The following HUWE1 variants were observed in gnomAD, a reference collection of about 807,000 sequenced individuals.
The protein encoded by HUWE1 is E3 ubiquitin-protein ligase HUWE1.
HUWE1 carries 18 observed loss-of-function variants against 299.4 expected under a neutral mutation model. The ratio of observed to expected loss-of-function variants is 0.06; its 90% CI spans 0.04 to 0.09. The LOEUF is 0.09. Ranked by LOEUF, HUWE1 falls within the 10% of genes least tolerant of loss-of-function variation. The pLI, the probability that HUWE1 is intolerant of heterozygous loss-of-function variation, is 1.00. For synonymous variants in HUWE1, 1,317 were observed against 1,286.1 expected, an observed-to-expected ratio of 1.02 and a Z score of -0.51; for missense variants, 1,832 against 3,462.3, an observed-to-expected ratio of 0.53 and a Z score of 11.82.
intron 7 of HUWE1, among the ~76,000 whole-genome samples, chrX:53,639,485 T>G (rs2067433082): frequency 8.9e-6 from 1 of 111,881 alleles, no homozygotes; most frequent in African/African-American, 3.2e-5. Flanking sequence ...AAGAACCCTA[T>G]AGTTATACAG....
intron 63 of HUWE1, among the ~76,000 whole-genome samples, chrX:53,551,840 G>C (rs2061779617): frequency 9.0e-6 from 1 of 111,145 alleles, no homozygotes; most frequent in African/African-American, 3.3e-5. Context: ...TGCCTAATAT[G>C]TACTTGGAGA....
In HUWE1 at chrX:53,636,493, G is replaced by A. The variant is rs183516787; in HGVS notation, c.505-2195C>T. On this transcript the variant is annotated intron_variant, in intron 7 of 83. Coordinates refer to ENST00000262854, the MANE Select transcript of HUWE1 (RefSeq NM_031407.7). ...AGCACTCAGCCAGTGGGAGCCCGAG[G>A]CGGGCAGATCACCTGAGGTCAGGAG... Among the ~76,000 whole-genome samples, 236 of 112,553 alleles carry A rather than the reference G, an allele frequency of 2.1e-3. 1 individual carries two copies. Among genetic ancestry groups the A allele is most frequent in the African/African-American group, 7.4e-3 (230 of 31,042 alleles).
At chrX:53,538,195 A>G (rs1173759377) in intron 77 of HUWE1, 142 bp downstream of exon 77, 6 of 513,548 alleles carry the variant, frequency 1.2e-5, no homozygotes, top group African/African-American at 2.3e-5. Flanking sequence ...TCAATGCTAC[A>G]GCTGTCTCTT....
At position 53,589,777 on chromosome X, in the gene HUWE1, G is replaced by A. The variant is rs1325872946; in HGVS notation, c.4231C>T (p.Arg1411Trp). The A allele has an allele frequency of 5.0e-6, 6 of 1,208,105 alleles. No individual in the cohort carries two copies. Among genetic ancestry groups the A allele is most frequent in the Non-Finnish European group, 6.7e-6 (6 of 894,380 alleles). ...GCCTCTTCCTCCTCCTGCTTTTCCCGAGCTTTCCGTTCCTCTTCCTCCTTC... is the reference window on the plus strand; with the variant it reads ...GCCTCTTCCTCCTCCTGCTTTTCCCAAGCTTTCCGTTCCTCTTCCTCCTTC... ...CRKEEEERKAREKQEEEEAKC... is the reference protein window; with the variant it reads ...CRKEEEERKAWEKQEEEEAKC... Residue 1411 changes from arginine to tryptophan, a missense_variant, in exon 36 of 84, where the codon CGG becomes TGG. By Grantham distance (101) the Arg-to-Trp change is moderately radical (BLOSUM62 -3). Coordinates refer to ENST00000262854, the MANE Select transcript of HUWE1 (RefSeq NM_031407.7).
At chrX:53,683,845 T>G in intron 2 of HUWE1, 2 of 191,725 alleles carry the variant, frequency 1.0e-5, no homozygotes, top group Non-Finnish European at 9.6e-6. Context: ...CCCTAGTCAC[T>G]GCCCCCCCAC....
At chrX:53,619,545 A>G (rs1276645234) in intron 19 of HUWE1, among the ~76,000 whole-genome samples, 1 of 104,592 alleles carries the variant, frequency 9.6e-6, no homozygotes, top group Admixed American at 1.0e-4. Flanking sequence ...AAAAAAGGTA[A>G]TTAGGGTTTC....
At chrX:53,615,891 G>C (rs781875520) in intron 21 of HUWE1, 56 bp from the exon 22 acceptor site, 41 of 878,623 alleles carry the variant, frequency 4.7e-5, no homozygotes, top group Non-Finnish European at 6.0e-5. Context: ...ATAGAGCTTG[G>C]GCTCTTTTCT....
At chrX:53,542,590 TAG>T in intron 73 of HUWE1, 51 bp from the exon 74 acceptor site, 2 of 852,793 alleles carry the variant, frequency 2.3e-6, no homozygotes. Flanking sequence ...CTGCTTTCCT[TAG>T]AGACAGGCTA....
Position 53,533,219 on chromosome X carries a change from T to C in HUWE1, c.*90A>G. The stretch of plus-strand genomic sequence containing the variant: ...TTGGTGGATTTCATTTATTGGTTTT[T>C]GACAATTTCTTTCTGGTTCTTTTTT... On this transcript the variant is annotated 3_prime_UTR_variant, in exon 84 of 84. Coordinates refer to ENST00000262854, the MANE Select transcript of HUWE1 (RefSeq NM_031407.7). 1 of 587,771 alleles carries C rather than the reference T, an allele frequency of 1.7e-6. No individual in the cohort carries two copies. The highest frequency in any genetic ancestry group is 2.9e-6 in the Non-Finnish European group (1 of 348,119). The allele number at this position is 587,771 out of a possible 1,213,427, so 48.4% of individuals were successfully genotyped here. A position where few individuals can be genotyped will look rare whatever the true frequency, so the allele number is the denominator to read the frequency against.
Position 53,560,290 on chromosome X carries a change from C to A in HUWE1, c.7634G>T (p.Arg2545Leu). The A allele has an allele frequency of 8.3e-7, 1 of 1,211,028 alleles. No individual in the cohort carries two copies. Among genetic ancestry groups the A allele is most frequent in the Non-Finnish European group, 1.1e-6 (1 of 895,286 alleles). ...CAGCTGCCTTAGGGTCCTCTGACTG[C>A]GCCCGATGCCCTGGGTGAGACGAGT... Reference protein sequence around the residue: ...STTRLTQGIGRSQRTLRQLTA... With the variant: ...STTRLTQGIGLSQRTLRQLTA... The change falls in exon 56 of 84, where the codon CGC becomes CTC. Residue 2545 changes from arginine to leucine, a missense_variant. Physicochemically the swap from Arg to Leu is moderately radical, Grantham distance 102. This residue lies in a region of HUWE1 where 170 missense variants were observed against 335.8 expected (regional missense o/e 0.51). Transcript: ENST00000262854.
At chrX:53,686,185 CG>C (rs1227169562) in intron 2 of HUWE1, 84 bp downstream of exon 2, 3 of 113,104 alleles carry the variant, frequency 2.7e-5, no homozygotes, top group Non-Finnish European at 5.6e-5. Context: ...CCTCTGAGGC[CG>C]CCTTCCTCGA....
intron 19 of HUWE1, 94 bp from the exon 20 acceptor site, chrX:53,617,540 TG>T: frequency 1.8e-6 from 1 of 556,539 alleles, no homozygotes; most frequent in Non-Finnish European, 3.1e-6. Flanking sequence ...ACATACTCAA[TG>T]TCTAGCAATT....
At chrX:53,549,532 A>T in intron 66 of HUWE1, 27 bp from the exon 67 acceptor site, 1 of 1,146,454 alleles carries the variant, frequency 8.7e-7, no homozygotes, top group East Asian at 3.0e-5. Context: ...GTTTTTGGGT[A>T]ACACTTCAGT....
chrX:53,566,733 T>C (rs781952841), intron 49 of HUWE1, among the ~76,000 whole-genome samples: 3 of 111,642 alleles, frequency 2.7e-5, no homozygotes, highest in East Asian at 5.6e-4. Flanking sequence ...ATCACAAGTA[T>C]TGGGACCAAG....
intron 3 of HUWE1, among the ~76,000 whole-genome samples, chrX:53,678,780 ATAAC>A (rs1303321125): frequency 8.9e-6 from 1 of 112,063 alleles, no homozygotes; most frequent in African/African-American, 3.2e-5. Flanking sequence ...TAGTATAAAA[ATAAC>A]TAAATCACCT....
intron 3 of HUWE1, among the ~76,000 whole-genome samples, chrX:53,657,352 T>C (rs2068795240): frequency 1.8e-5 from 2 of 111,532 alleles, no homozygotes; most frequent in African/African-American, 6.5e-5. Context: ...GGTGGGCAGA[T>C]CATTTGAGGT....
chrX:53,668,523 G>A (rs1042474898), intron 3 of HUWE1, among the ~76,000 whole-genome samples: 14 of 110,382 alleles, frequency 1.3e-4, no homozygotes, highest in African/African-American at 4.3e-4. Context: ...CAGCATAATG[G>A]AAAAGCCTGG....
chrX:53,549,700 G>A (rs1192146565), intron 66 of HUWE1, among the ~76,000 whole-genome samples, 195 bp from the exon 67 acceptor site: 1 of 110,509 alleles, frequency 9.0e-6, no homozygotes, highest in Non-Finnish European at 1.9e-5. Context: ...TACAATGACT[G>A]TACATCATCC....
intron 6 of HUWE1, among the ~76,000 whole-genome samples, chrX:53,646,785 A>G (rs2068081820): frequency 8.9e-6 from 1 of 112,173 alleles, no homozygotes; most frequent in East Asian, 2.8e-4. Context: ...AGGGCACCTA[A>G]CTAATGATGA....
Sources: gnomAD v4.1 joint callset for allele counts (sites outside exome capture counted in the v4.1 genomes callset) on GRCh38, gnomAD v4.1.1 for gene constraint, gnomAD v4.1.1 regional missense constraint, MANE v1.5 for transcripts, NCBI Gene and HGNC (gene_info 2026-07-23, HGNC 2026-07-21) for gene names.